ZNF831: variants seen among roughly 807,000 people sequenced by gnomAD.
The protein encoded by ZNF831 is zinc finger protein 831.
Under a neutral mutation model 95.8 loss-of-function variants are expected in ZNF831, and 59 were observed. That is an observed-to-expected ratio of 0.62 (90% CI 0.50 to 0.77). ZNF831 has a LOEUF of 0.77. Among genes scored for constraint, ZNF831 ranks in the 30% least tolerant of loss-of-function variants. ZNF831 has a pLI of 0.00. For missense variants in ZNF831, 2,205 were observed against 2,164.0 expected, an observed-to-expected ratio of 1.02 and a Z score of -0.38; for synonymous variants, 961 against 925.5, an observed-to-expected ratio of 1.04 and a Z score of -0.70.
rs149243393 is a variant in ZNF831 at position 59,204,597 on chromosome 20, G to A, written c.3876-2308G>A. Among the ~76,000 whole-genome samples, 141 of 152,266 alleles carry A rather than the reference G, an allele frequency of 9.3e-4. 2 individuals are homozygous for A. The South Asian group carries it at 0.024, about 26-fold the overall frequency. On this transcript the variant is annotated intron_variant, in intron 3 of 5. Coordinates refer to ENST00000371030, the MANE Select transcript of ZNF831 (RefSeq NM_178457.3). Reference sequence around the variant, plus strand: ...ATAGCACGTCAGATCTCATAGTTTCGCCCCAGAAAGGAATGTGTGTGGAGT... The same window carrying A: ...ATAGCACGTCAGATCTCATAGTTTCACCCCAGAAAGGAATGTGTGTGGAGT...
Position 59,232,994 on chromosome 20 carries a change from G to GCACACACACA in ZNF831, c.4028-19943_4028-19934dup, listed in dbSNP as rs59267396. ...TCATTTTATAGGTGAGGACCCTGAG[G>GCACACACACA]CACACACACACACACACACACACAC... On this transcript the variant is annotated intron_variant, in intron 4 of 5. Coordinates refer to ENST00000371030, the MANE Select transcript of ZNF831 (RefSeq NM_178457.3). Among the ~76,000 whole-genome samples, 362 of 123,072 alleles carry GCACACACACA rather than the reference G, an allele frequency of 2.9e-3. 3 individuals carry two copies. The highest frequency in any genetic ancestry group is 5.5e-3 in the South Asian group (18 of 3,246). The allele number at this position is 123,072 out of a possible 152,430, so 80.7% of individuals were successfully genotyped here.
intron 4 of ZNF831, among the ~76,000 whole-genome samples, chr20:59,245,615 A>G (rs994824317): frequency 2.0e-5 from 3 of 152,318 alleles, no homozygotes; most frequent in East Asian, 1.9e-4. Context: ...GGACCACCCA[A>G]AATTTCTCCA....
At chr20:59,252,903 G>A in intron 4 of ZNF831, 75 bp from the exon 5 acceptor site, 1 of 1,499,470 alleles carries the variant, frequency 6.7e-7, no homozygotes, top group East Asian at 2.4e-5. Flanking sequence ...AGAAGTCATG[G>A]ACAACCTCCC....
At chr20:59,161,577 G>T (rs919860007), upstream of ZNF831, among the ~76,000 whole-genome samples, 1 of 152,152 alleles carries the variant, frequency 6.6e-6, no homozygotes, top group Admixed American at 6.5e-5. Context: ...ACATGTTGCT[G>T]CATGGATACA....
At chr20:59,134,015 CT>C (rs1174124323) in intron 1 of ZNF831, among the ~76,000 whole-genome samples, 3 of 152,236 alleles carry the variant, frequency 2.0e-5, no homozygotes, top group Non-Finnish European at 2.9e-5. Flanking sequence ...ATGGGAACAC[CT>C]CACAGCTCAG....
chr20:59,158,728 G>A (rs1980678130), intron 2 of ZNF831, among the ~76,000 whole-genome samples: 1 of 152,158 alleles, frequency 6.6e-6, no homozygotes, highest in Non-Finnish European at 1.5e-5. Context: ...TCATTTATTT[G>A]ACATTAGGAG....
chr20:59,176,715 C>T (rs1982195111), intron 1 of ZNF831, among the ~76,000 whole-genome samples: 2 of 152,194 alleles, frequency 1.3e-5, no homozygotes, highest in Admixed American at 6.5e-5. Context: ...GTAGGGTTAA[C>T]TCATATAATA....
rs145973598 is a variant in ZNF831, at chr20:59,201,510, T to A, written c.3876-5395T>A. Among the ~76,000 whole-genome samples, 1,240 of 152,344 alleles carry A rather than the reference T, an allele frequency of 8.1e-3. 21 individuals carry two copies. Among genetic ancestry groups the A allele is most frequent in the African/African-American group, 0.028 (1,155 of 41,576 alleles). On this transcript the variant is annotated intron_variant, in intron 3 of 5. Coordinates refer to ENST00000371030, the MANE Select transcript of ZNF831 (RefSeq NM_178457.3). ...ATATTTAATTTACCTTTTTTTGTTA[T>A]GTTTTTAGTGTCATAGTTTAAAAAA...
Position 59,150,629 on chromosome 20 carries a change from C to T in ZNF831, c.-1281+4255C>T, listed in dbSNP as rs549805220. ...GGGAGGAACGTTGAGGCAAACTTCT[C>T]CATCCAGATTAATTCCTGACCTTCT... On this transcript the variant is annotated intron_variant, in intron 2 of 7. Transcript: ENST00000637017. Among the ~76,000 whole-genome samples, 7 of 152,340 alleles carry T rather than the reference C, an allele frequency of 4.6e-5. No homozygotes were observed. In the South Asian group the frequency reaches 1.2e-3, roughly 27 times the overall value.
rs1261420781 is a variant in ZNF831, at chr20:59,217,124, A to G, written c.4027+10068A>G. 6.6e-6 allele frequency among the ~76,000 whole-genome samples: 1 copy of G among 151,916 alleles called. No homozygotes were observed. Among genetic ancestry groups the G allele is most frequent in the Non-Finnish European group, 1.5e-5 (1 of 68,016 alleles). On this transcript the variant is annotated intron_variant, in intron 4 of 5. Transcript: ENST00000371030. The surrounding 1 kb of genome is among the most constrained non-coding windows in gnomAD (Gnocchi z 4.4). ...CAATACCATCCTCAGGTAAAATGAC[A>G]GTTTGGAGTCTGGAGTACATCTGAC...
intron 4 of ZNF831, among the ~76,000 whole-genome samples, chr20:59,249,886 C>T (rs1987798095): frequency 6.6e-6 from 1 of 152,110 alleles, no homozygotes; most frequent in South Asian, 2.1e-4. Context: ...AATATATAAG[C>T]TCACAAGGAG....
intron 1 of ZNF831, among the ~76,000 whole-genome samples, chr20:59,182,325 C>T (rs1266024311): frequency 6.6e-6 from 1 of 152,182 alleles, no homozygotes; most frequent in South Asian, 2.1e-4. Flanking sequence ...TAATTTTCAG[C>T]AGATTTTTCC....
chr20:59,244,389 ATCT>A (rs1987492575), intron 4 of ZNF831, among the ~76,000 whole-genome samples: 1 of 152,316 alleles, frequency 6.6e-6, no homozygotes, highest in East Asian at 1.9e-4. Context: ...ACCTGTTCTG[ATCT>A]TCTGGTAAGA....
rs1476235518 is a variant in ZNF831 at position 59,136,669 on chromosome 20, G to C, written c.-1424-9562G>C. On this transcript the variant is annotated intron_variant, in intron 1 of 7. Coordinates refer to the ZNF831 transcript ENST00000637017. Reference sequence around the variant, plus strand: ...TCATCCTGATATTTGGCTCATTCTAGGATAAAATGTTGGAATTTGGCCATA... The same window carrying C: ...TCATCCTGATATTTGGCTCATTCTACGATAAAATGTTGGAATTTGGCCATA... Among the ~76,000 whole-genome samples, 3 of 152,126 alleles carry C rather than the reference G, an allele frequency of 2.0e-5. 1 individual carries two copies. Among genetic ancestry groups the C allele is most frequent in the Admixed American group, 2.0e-4 (3 of 15,270 alleles).
intron 1 of ZNF831, among the ~76,000 whole-genome samples, chr20:59,143,847 C>T (rs1368395149): frequency 6.6e-6 from 1 of 152,222 alleles, no homozygotes; most frequent in Non-Finnish European, 1.5e-5. Context: ...AGGCTGGACA[C>T]ATTACTGTTG....
chr20:59,125,035 G>GA (rs1378652022), intron 1 of ZNF831, among the ~76,000 whole-genome samples: 1 of 152,144 alleles, frequency 6.6e-6, no homozygotes, highest in East Asian at 1.9e-4. Context: ...GGGGCCTTCT[G>GA]AAAAAAATTT....
intron 1 of ZNF831, among the ~76,000 whole-genome samples, chr20:59,164,897 C>T (rs1043694986): frequency 6.6e-6 from 1 of 152,182 alleles, no homozygotes; most frequent in South Asian, 2.1e-4. Flanking sequence ...GAGATGTTAT[C>T]TACCAAAATG....
chr20:59,166,565 C>T (rs866199864), intron 1 of ZNF831, among the ~76,000 whole-genome samples: 2 of 152,090 alleles, frequency 1.3e-5, no homozygotes, highest in South Asian at 4.1e-4. Flanking sequence ...ATCCCTCCTG[C>T]TCTCCTCCTC....
chr20:59,144,610 C>T (rs1043910929), intron 1 of ZNF831, among the ~76,000 whole-genome samples: 5 of 152,164 alleles, frequency 3.3e-5, no homozygotes, highest in African/African-American at 4.8e-5. Context: ...AGGGCTTGCC[C>T]GAGGCCCTAC....
Sources: gnomAD v4.1 joint callset for allele counts (sites outside exome capture counted in the v4.1 genomes callset) on GRCh38, gnomAD v4.1.1 for gene constraint, Gnocchi (gnomAD v3.1) non-coding constraint, MANE v1.5 for transcripts, NCBI Gene and HGNC (gene_info 2026-07-23, HGNC 2026-07-21) for gene names.